The following C14orf39 variants were observed in gnomAD, a reference collection of about 807,000 sequenced individuals.
The protein encoded by C14orf39 is protein SIX6OS1.
In C14orf39, 66 loss-of-function variants were observed where a neutral mutation model predicts 85.6. That is an observed-to-expected ratio of 0.77 (90% CI 0.63 to 0.95). The LOEUF is 0.95. C14orf39 is among the 40% of genes least tolerant of loss of function. The probability of loss-of-function intolerance (pLI) is 0.00; values close to 1 mark genes in which losing one functional copy is unlikely to be tolerated. For synonymous variants in C14orf39, 242 were observed against 214.0 expected, an observed-to-expected ratio of 1.13 and a Z score of -1.14; for missense variants, 735 against 663.9, an observed-to-expected ratio of 1.11 and a Z score of -1.18.
upstream of C14orf39, among the ~76,000 whole-genome samples, chr14:60,489,418 T>C (rs1206617538): frequency 6.6e-6 from 1 of 152,228 alleles, no homozygotes; most frequent in Non-Finnish European, 1.5e-5. Flanking sequence ...GGAATAGTTA[T>C]GAAGATTAAA....
rs544522726 is a variant in C14orf39 at position 60,473,715 on chromosome 14, A to G, written c.324-1976T>C. Among the ~76,000 whole-genome samples, 57 of 152,218 alleles carry G rather than the reference A, an allele frequency of 3.7e-4. 2 individuals carry two copies. The South Asian group carries it at 0.011, about 30-fold the overall frequency. ...GTTGTCAAAGATCAGATAGTTGTAG[A>G]TATGCGGCATTATTTCTCAGGGCTC... On this transcript the variant is annotated intron_variant, in intron 5 of 17. Transcript: ENST00000321731.
At chr14:60,442,011 A>G in intron 17 of C14orf39, 63 bp downstream of exon 17, 2 of 1,127,002 alleles carry the variant, frequency 1.8e-6, no homozygotes, top group Non-Finnish European at 2.6e-6. Flanking sequence ...TAAGTTAGAG[A>G]AACTAAATAC....
At chr14:60,514,294 T>C (rs982240533) in intron 1 of C14orf39, among the ~76,000 whole-genome samples, 3 of 152,204 alleles carry the variant, frequency 2.0e-5, no homozygotes, top group Non-Finnish European at 1.5e-5. Flanking sequence ...AAAATCTCTA[T>C]ATAATGGGTT....
At chr14:60,474,030 C>T (rs1395837419) in intron 5 of C14orf39, among the ~76,000 whole-genome samples, 9 of 152,076 alleles carry the variant, frequency 5.9e-5, no homozygotes, top group Admixed American at 1.3e-4. Context: ...TTCTTCCTAC[C>T]CATGAGCATG....
At chr14:60,505,206 T>C (rs536706920) in intron 1 of C14orf39, among the ~76,000 whole-genome samples, 1 of 152,350 alleles carries the variant, frequency 6.6e-6, no homozygotes, top group African/African-American at 2.4e-5. Flanking sequence ...AGGTGCACAA[T>C]GGCAGGGGAG....
At chr14:60,490,438 TATAAATAAATAAATGA>T (rs1410643866), upstream of C14orf39, among the ~76,000 whole-genome samples, 902 of 105,292 alleles carry the variant, frequency 8.6e-3, 14 homozygotes, top group East Asian at 0.036. Flanking sequence ...AACCCATCTC[TATAAATAAATAAATGA>T]ATAAATAAAT....
chr14:60,441,382 A>T (rs1381948545), intron 17 of C14orf39, among the ~76,000 whole-genome samples: 2 of 152,116 alleles, frequency 1.3e-5, no homozygotes, highest in Admixed American at 6.5e-5. Flanking sequence ...GTAGTTGGTG[A>T]TCCTCTCAAT....
chr14:60,454,778 C>T (rs1891193000), intron 16 of C14orf39, among the ~76,000 whole-genome samples: 1 of 151,758 alleles, frequency 6.6e-6, no homozygotes. Flanking sequence ...TTAAATTATC[C>T]CTATCCTGAG....
chr14:60,437,353 G>A (rs1890302627), intron 17 of C14orf39, among the ~76,000 whole-genome samples: 2 of 151,960 alleles, frequency 1.3e-5, no homozygotes, highest in African/African-American at 4.8e-5. Flanking sequence ...CAGAGGCACA[G>A]AAACAGACAT....
intron 16 of C14orf39, among the ~76,000 whole-genome samples, chr14:60,444,705 C>A (rs1230972220): frequency 6.6e-6 from 1 of 152,148 alleles, no homozygotes; most frequent in African/African-American, 2.4e-5. Flanking sequence ...GATAACACCA[C>A]AAAGATACTC....
intron 16 of C14orf39, among the ~76,000 whole-genome samples, chr14:60,442,610 T>C (rs574046878): frequency 1.4e-4 from 21 of 152,316 alleles, no homozygotes; most frequent in African/African-American, 7.2e-5. Context: ...TTGTGAGCAT[T>C]TGTCCATGTC....
chr14:60,484,832 C>A lies in C14orf39; in HGVS notation c.106+49G>T. 1 of 1,313,208 alleles carries A rather than the reference C, an allele frequency of 7.6e-7. No homozygotes were observed. Among genetic ancestry groups the A allele is most frequent in the Non-Finnish European group, 1.1e-6 (1 of 929,832 alleles). 81.3% of individuals were successfully genotyped at this position (1,313,208 alleles called of 1,614,324 possible). ...AACAGAGCAATTGTATGTTATATGC[C>A]ATAAGGAATTAAAAGACTAAAATAT... On this transcript the variant is annotated intron_variant, in intron 3 of 17. Transcript: ENST00000321731. The surrounding 1 kb of genome is among the most constrained non-coding windows in gnomAD (Gnocchi z 4.2).
rs146297586 is a variant in C14orf39 at position 60,440,951 on chromosome 14, C to G, written c.1561+1123G>C. On this transcript the variant is annotated intron_variant, in intron 17 of 17. Coordinates refer to ENST00000321731, the MANE Select transcript of C14orf39 (RefSeq NM_174978.3). ...TAGTGATGCCTTTCCTGACTCCTTGCAATACGGCAATCACCTTCCCAATCC... is the reference window on the plus strand; with the variant it reads ...TAGTGATGCCTTTCCTGACTCCTTGGAATACGGCAATCACCTTCCCAATCC... Among the ~76,000 whole-genome samples, 44 of 152,272 alleles carry G rather than the reference C, an allele frequency of 2.9e-4. No individual in the cohort carries two copies. In the East Asian group the frequency reaches 8.1e-3, roughly 28 times the overall value.
intron 2 of C14orf39, chr14:60,496,000 C>A: frequency 2.0e-6 from 1 of 509,148 alleles, no homozygotes; most frequent in East Asian, 5.4e-5. Context: ...GGTATCAGTC[C>A]CAGGGACAAA....
At chr14:60,462,815 G>A (rs1401239941) in intron 11 of C14orf39, among the ~76,000 whole-genome samples, 2 of 151,950 alleles carry the variant, frequency 1.3e-5, no homozygotes, top group African/African-American at 4.8e-5. Flanking sequence ...TAGCTCATCA[G>A]CTATCGTTAG....
At chr14:60,487,936 G>C (rs1892929128), upstream of C14orf39, among the ~76,000 whole-genome samples, 1 of 152,006 alleles carries the variant, frequency 6.6e-6, no homozygotes, top group South Asian at 2.1e-4. Context: ...TGTCTATTCA[G>C]GTCCTTTGCC....
At chr14:60,441,091 C>G (rs1890489206) in intron 17 of C14orf39, among the ~76,000 whole-genome samples, 1 of 151,982 alleles carries the variant, frequency 6.6e-6, no homozygotes, top group Admixed American at 6.6e-5. Context: ...TGGAAAATGA[C>G]CTTGGAGCCT....
At chr14:60,509,234 G>A (rs1159690103) in intron 1 of C14orf39, 12 of 650,978 alleles carry the variant, frequency 1.8e-5, no homozygotes, top group Non-Finnish European at 3.3e-5. Context: ...TCCAGTCGGG[G>A]TCGTCCGCTC....
At chr14:60,464,316 T>C (rs1595464047) in intron 11 of C14orf39, among the ~76,000 whole-genome samples, 2 of 152,298 alleles carry the variant, frequency 1.3e-5, no homozygotes, top group East Asian at 1.9e-4. Context: ...TGACCTACTT[T>C]AGAATTTTAT....
Sources: allele counts gnomAD v4.1 joint callset (sites outside exome capture counted in the v4.1 genomes callset), GRCh38; gene constraint gnomAD v4.1.1; non-coding constraint Gnocchi (gnomAD v3.1); transcripts MANE v1.5; gene names NCBI Gene and HGNC (gene_info 2026-07-23, HGNC 2026-07-21).